DST: variants seen among roughly 807,000 people sequenced by gnomAD.
The protein encoded by DST is dystonin, also known as bullous pemphigoid antigen.
A neutral mutation model predicts 875.2 loss-of-function variants in DST; 253 were observed. The ratio of observed to expected loss-of-function variants is 0.29; its 90% CI spans 0.26 to 0.32. The LOEUF (loss-of-function observed/expected upper bound fraction) is 0.32. DST is among the 10% of genes least tolerant of loss of function. The probability of loss-of-function intolerance (pLI) is 1.00; values close to 1 mark genes in which losing one functional copy is unlikely to be tolerated. For missense variants in DST, 8,287 were observed against 9,111.6 expected (o/e 0.91, Z 3.68); for synonymous variants, 3,124 against 3,197.1 (o/e 0.98, Z 0.77).
rs1364765104 is a variant in DST at position 56,581,875 on chromosome 6, T to C, written c.12904-2938A>G. 2.0e-5 allele frequency among the ~76,000 whole-genome samples: 3 copies of C among 152,196 alleles called. No homozygotes were observed. In the East Asian group the frequency reaches 5.8e-4, roughly 29 times the overall value. The stretch of plus-strand genomic sequence containing the variant: ...CTCATCATCTCATTCTCTGTACCTA[T>C]ACTTTCTCCTGGGGTATATCTAACT... On this transcript the variant is annotated intron_variant, in intron 49 of 103. Transcript: ENST00000680361.
At chr6:56,788,205 C>CTT (rs944951000) in intron 4 of DST, among the ~76,000 whole-genome samples, 3 of 136,350 alleles carry the variant, frequency 2.2e-5, no homozygotes, top group Non-Finnish European at 4.7e-5. Flanking sequence ...GTATTAAGTT[C>CTT]TTCTTTTTTT....
chr6:56,608,065 G>C lies in DST; in HGVS notation c.6563C>G (p.Pro2188Arg), dbSNP rs2098513781. Residue 2188 changes from proline (P) to arginine (R), a missense_variant, in exon 40 of 104, where the codon CCT becomes CGT. By Grantham distance (103) the Pro-to-Arg change is moderately radical (BLOSUM62 -2). Coordinates refer to ENST00000680361, the MANE Select transcript of DST (RefSeq NM_001374736.1). Reference protein sequence around the residue: ...QEEDVFDGEEPVTTQTSEETK... With the variant: ...QEEDVFDGEERVTTQTSEETK... ...TTCTTCTGAGGTCTGAGTAGTGACA[G>C]GTTCTTCTCCATCAAAAACATCCTC... 1 of 1,613,496 alleles carries C rather than the reference G, an allele frequency of 6.2e-7. No homozygotes were observed. Among genetic ancestry groups the C allele is most frequent in the East Asian group, 2.2e-5 (1 of 44,872 alleles).
chr6:56,866,233 G>T (rs1279686346), intron 3 of DST, among the ~76,000 whole-genome samples: 1 of 151,920 alleles, frequency 6.6e-6, no homozygotes, highest in Non-Finnish European at 1.5e-5. Flanking sequence ...CCTGACTGCA[G>T]ATGATCCACC....
chr6:56,873,019 T>C (rs1778083084), intron 3 of DST, among the ~76,000 whole-genome samples: 1 of 152,190 alleles, frequency 6.6e-6, no homozygotes, highest in Non-Finnish European at 1.5e-5. Flanking sequence ...GTTATTTTCT[T>C]TTTGATAACA....
In DST at chr6:56,552,922, C is replaced by G; in HGVS notation, c.15870G>C (p.Gln5290His). ...EVSKESKRQL[Q>H]CAKEQLDIHD... ...GGATATCTAGCTGCTCCTTTGCACA[C>G]TGAAGCTGCCTTTTAGATTCTTTGG... The change falls in exon 61 of 104, where the codon CAG becomes CAC. Residue 5290 changes from glutamine (Q) to histidine (H), a missense_variant. Coordinates refer to ENST00000680361, the MANE Select transcript of DST (RefSeq NM_001374736.1). The G allele has an allele frequency of 6.2e-7, 1 of 1,614,028 alleles. No homozygotes were observed. Among genetic ancestry groups the G allele is most frequent in the South Asian group, 1.1e-5 (1 of 91,090 alleles).
At chr6:56,614,866 G>GA in intron 36 of DST, 1 of 993,256 alleles carries the variant, frequency 1.0e-6, no homozygotes, top group Non-Finnish European at 1.2e-6. Flanking sequence ...ATAGAATAGA[G>GA]AACGTCTACT....
intron 86 of DST, among the ~76,000 whole-genome samples, chr6:56,488,787 G>A (rs1464026822): frequency 5.3e-5 from 8 of 151,526 alleles, no homozygotes; most frequent in Non-Finnish European, 8.9e-5. Flanking sequence ...GATGGCTGGT[G>A]GGGTCAACTT....
chr6:56,662,124 C>T (rs888392810), intron 10 of DST, among the ~76,000 whole-genome samples: 1 of 152,082 alleles, frequency 6.6e-6, no homozygotes, highest in Non-Finnish European at 1.5e-5. Flanking sequence ...GGGCTTAGAC[C>T]TGCTAAAAGG....
At chr6:56,766,677 C>T (rs780278069) in intron 4 of DST, among the ~76,000 whole-genome samples, 18 of 152,154 alleles carry the variant, frequency 1.2e-4, no homozygotes, top group Admixed American at 8.5e-4. Context: ...ATTACAGGCA[C>T]GCGCCACCAT....
At chr6:56,648,363 G>T (rs1453999598) in intron 13 of DST, among the ~76,000 whole-genome samples, 1 of 152,104 alleles carries the variant, frequency 6.6e-6, no homozygotes, top group Admixed American at 6.5e-5. Flanking sequence ...AAAGCTGAGT[G>T]ACTACAGCTA....
intron 36 of DST, chr6:56,616,923 C>A: frequency 6.2e-7 from 1 of 1,608,754 alleles, no homozygotes; most frequent in South Asian, 1.1e-5. Context: ...GAAATGGGAT[C>A]AATTATAAAA....
intron 2 of DST, among the ~76,000 whole-genome samples, chr6:56,913,738 A>T (rs2127722175): frequency 6.6e-6 from 1 of 152,294 alleles, no homozygotes; most frequent in East Asian, 1.9e-4. Flanking sequence ...TCAACAACCT[A>T]GTCTATGAAA....
intron 4 of DST, among the ~76,000 whole-genome samples, chr6:56,792,231 A>G (rs1161462912): frequency 6.6e-6 from 1 of 152,132 alleles, no homozygotes; most frequent in Non-Finnish European, 1.5e-5. Context: ...AGATGAGGGA[A>G]AGCTCTTCTT....
At position 56,642,681 on chromosome 6, in the gene DST, A is replaced by C. The variant is rs766639572; in HGVS notation, c.1779-178T>G. On this transcript the variant is annotated intron_variant, in intron 15 of 103. Coordinates refer to ENST00000680361, the MANE Select transcript of DST (RefSeq NM_001374736.1). Reference sequence around the variant, plus strand: ...TGCAAGAGTTGATCAGTGTTGGACCACAATGAACCAAGAGAAGATTTTCAT... The same window carrying C: ...TGCAAGAGTTGATCAGTGTTGGACCCCAATGAACCAAGAGAAGATTTTCAT... 2 of 1,614,188 alleles carry C rather than the reference A, an allele frequency of 1.2e-6. No homozygotes were observed.
chr6:56,463,496 G>A (rs2094438113), intron 101 of DST, 69 bp downstream of exon 101: 2 of 1,373,376 alleles, frequency 1.5e-6, no homozygotes, highest in African/African-American at 1.4e-5. Context: ...GCCCTAAATA[G>A]AACATTCAAA....
At chr6:56,915,501 T>C (rs186108206) in intron 2 of DST, among the ~76,000 whole-genome samples, 1 of 151,646 alleles carries the variant, frequency 6.6e-6, no homozygotes, top group East Asian at 1.9e-4. Context: ...TCAACTGAGA[T>C]AGATGAGGTT....
intron 72 of DST, among the ~76,000 whole-genome samples, chr6:56,512,650 C>T (rs2096499476): frequency 6.6e-6 from 1 of 152,144 alleles, no homozygotes; most frequent in Admixed American, 6.6e-5. Context: ...CTATCAGTCA[C>T]CAGGATGGCC....
chr6:56,673,292 A>G (rs1282237446), intron 9 of DST, among the ~76,000 whole-genome samples: 1 of 152,126 alleles, frequency 6.6e-6, no homozygotes, highest in East Asian at 1.9e-4. Flanking sequence ...AATAAAAGAA[A>G]AGAAAAAGTT....
chr6:56,490,858 G>C (rs915694531), intron 85 of DST, among the ~76,000 whole-genome samples: 5 of 152,128 alleles, frequency 3.3e-5, no homozygotes, highest in Non-Finnish European at 7.4e-5. Context: ...ATAAATAGAG[G>C]AAATGCTATA....
Sources: allele counts gnomAD v4.1 joint callset (sites outside exome capture counted in the v4.1 genomes callset), GRCh38; gene constraint gnomAD v4.1.1; transcripts MANE v1.5; gene names NCBI Gene and HGNC (gene_info 2026-07-23, HGNC 2026-07-21).